Variants in NALF1 observed in about 807,000 individuals in gnomAD.
NALF1 encodes family with sequence similarity 155 member A.
Under a neutral mutation model 48.4 loss-of-function variants are expected in NALF1, and 3 were observed. That is an observed-to-expected ratio of 0.06 (90% CI 0.03 to 0.16). The LOEUF (loss-of-function observed/expected upper bound fraction) is 0.16. NALF1 is among the 10% of genes least tolerant of loss of function. NALF1 has a pLI of 1.00. For synonymous variants in NALF1, 262 were observed against 245.7 expected (o/e 1.07, Z -0.62); for missense variants, 526 against 571.5 (o/e 0.92, Z 0.81).
intron 1 of NALF1, among the ~76,000 whole-genome samples, chr13:107,312,811 G>C (rs1022090420): frequency 6.6e-6 from 1 of 152,142 alleles, no homozygotes; most frequent in Non-Finnish European, 1.5e-5. Context: ...AATTTGCACA[G>C]AGTACTATGG....
chr13:107,850,801 G>A (rs968649252), intron 1 of NALF1, among the ~76,000 whole-genome samples: 3 of 152,024 alleles, frequency 2.0e-5, no homozygotes, highest in Non-Finnish European at 4.4e-5. Context: ...TACTTGGGAG[G>A]CTGAGGCAAG....
intron 1 of NALF1, among the ~76,000 whole-genome samples, chr13:107,756,361 C>G (rs1325685473): frequency 6.6e-6 from 1 of 151,066 alleles, no homozygotes; most frequent in Non-Finnish European, 1.5e-5. Context: ...CAAACACCAC[C>G]TTGAAGAGCA....
chr13:107,655,328 T>C (rs1267343837), intron 1 of NALF1, among the ~76,000 whole-genome samples: 1 of 152,120 alleles, frequency 6.6e-6, no homozygotes, highest in Non-Finnish European at 1.5e-5. Flanking sequence ...AAAATTAATG[T>C]ACACAAATCA....
chr13:107,516,121 C>T (rs966690561), intron 1 of NALF1, among the ~76,000 whole-genome samples: 2 of 152,260 alleles, frequency 1.3e-5, no homozygotes, highest in African/African-American at 2.4e-5. Context: ...AAGGTTGAAG[C>T]TCTTAGGTAT....
rs577658873 is a variant in NALF1, at chr13:107,577,488, T to G, written c.915+288194A>C. Among the ~76,000 whole-genome samples the G allele has an allele frequency of 1.5e-3, 3 of 1,944 alleles. No homozygotes were observed. In the South Asian group the frequency reaches 0.25, roughly 162 times the overall value. 1.3% of individuals were successfully genotyped at this position (1,944 alleles called of 152,430 possible). ...CTAGATATCTGCAATACCCCCAAAT[T>G]ATCAAGTCAGTAGAAAACCCCAAAA... On this transcript the variant is annotated intron_variant, in intron 1 of 2. Coordinates refer to ENST00000375915, the MANE Select transcript of NALF1 (RefSeq NM_001080396.3).
intron 2 of NALF1, among the ~76,000 whole-genome samples, chr13:107,196,866 T>C (rs1218894506): frequency 2.0e-5 from 3 of 152,138 alleles, no homozygotes; most frequent in Admixed American, 1.3e-4. Flanking sequence ...GGTGACCAAG[T>C]GAGAGGATAG....
rs114543108 is a variant in NALF1 at position 107,302,457 on chromosome 13, T to C, written c.916-91702A>G. On this transcript the variant is annotated intron_variant, in intron 1 of 2. Coordinates refer to ENST00000375915, the MANE Select transcript of NALF1 (RefSeq NM_001080396.3). The stretch of plus-strand genomic sequence containing the variant: ...TTCAAAATTTTTTTTTTCTCTTCCA[T>C]GTTTGCTTGAAGAATTTGCTGAATT... Among the ~76,000 whole-genome samples the C allele has an allele frequency of 7.4e-3, 1,123 of 152,224 alleles. 21 individuals carry two copies. Among genetic ancestry groups the C allele is most frequent in the African/African-American group, 0.026 (1,062 of 41,538 alleles).
At chr13:107,253,364 T>G (rs543031073) in intron 1 of NALF1, among the ~76,000 whole-genome samples, 4 of 152,246 alleles carry the variant, frequency 2.6e-5, no homozygotes, top group African/African-American at 9.6e-5. Context: ...AAACACTCAG[T>G]GATTGATTCC....
chr13:107,609,241 A>T (rs1879157644), intron 1 of NALF1, among the ~76,000 whole-genome samples: 1 of 151,998 alleles, frequency 6.6e-6, no homozygotes, highest in African/African-American at 2.4e-5. Context: ...CCTCTCCCAC[A>T]CCATTCATTC....
chr13:107,213,410 C>CGTGG (rs2138807676), intron 1 of NALF1, among the ~76,000 whole-genome samples: 1 of 152,172 alleles, frequency 6.6e-6, no homozygotes, highest in East Asian at 1.9e-4. Context: ...CCAGGCTCCA[C>CGTGG]GGTGGCATCC....
At chr13:107,674,608 G>C (rs936400409) in intron 1 of NALF1, among the ~76,000 whole-genome samples, 1 of 152,094 alleles carries the variant, frequency 6.6e-6, no homozygotes, top group African/African-American at 2.4e-5. Context: ...GTCCTCAAGG[G>C]GCTGAGACTC....
chr13:107,498,288 G>T (rs1594095487), intron 1 of NALF1, among the ~76,000 whole-genome samples: 3 of 117,150 alleles, frequency 2.6e-5, no homozygotes. Context: ...TTCAAACATA[G>T]AGTCTTCTCA....
intron 1 of NALF1, among the ~76,000 whole-genome samples, chr13:107,457,890 A>G (rs899979583): frequency 3.3e-5 from 5 of 152,184 alleles, no homozygotes; most frequent in African/African-American, 1.2e-4. Context: ...TTCCCAGTGC[A>G]AACAGAGCTG....
At chr13:107,238,206 G>A (rs1472082092) in intron 1 of NALF1, among the ~76,000 whole-genome samples, 1 of 152,182 alleles carries the variant, frequency 6.6e-6, no homozygotes, top group South Asian at 2.1e-4. Flanking sequence ...CCAGCATGGT[G>A]CAGCACAACC....
intron 1 of NALF1, among the ~76,000 whole-genome samples, chr13:107,451,595 T>G (rs1884741065): frequency 6.6e-6 from 1 of 152,324 alleles, no homozygotes; most frequent in African/African-American, 2.4e-5. Context: ...TTCTCTTCCA[T>G]CAGCATTTTT....
chr13:107,390,798 T>C (rs927832720), intron 1 of NALF1, among the ~76,000 whole-genome samples: 2 of 151,954 alleles, frequency 1.3e-5, no homozygotes, highest in African/African-American at 2.4e-5. Context: ...GCAGGAAGCT[T>C]TAGATACAAT....
chr13:107,271,774 CTATATATATATATATATATA>C (rs397838456), intron 1 of NALF1, among the ~76,000 whole-genome samples: 1 of 27,630 alleles, frequency 3.6e-5, no homozygotes, highest in African/African-American at 9.7e-5. Context: ...TGCTACTGGA[CTATATATATATATATATATA>C]TATATATATA....
intron 1 of NALF1, among the ~76,000 whole-genome samples, chr13:107,360,239 T>C (rs1883037686): frequency 6.6e-6 from 1 of 152,186 alleles, no homozygotes; most frequent in African/African-American, 2.4e-5. Flanking sequence ...TGCTAGTCAT[T>C]TCTGACTCAA....
At chr13:107,522,844 C>T (rs1876292252) in intron 1 of NALF1, among the ~76,000 whole-genome samples, 1 of 152,026 alleles carries the variant, frequency 6.6e-6, no homozygotes, top group Admixed American at 6.6e-5. Flanking sequence ...TCTCCAACTC[C>T]TGACCTCAGG....
Sources: gnomAD v4.1 joint callset for allele counts (sites outside exome capture counted in the v4.1 genomes callset) on GRCh38, gnomAD v4.1.1 for gene constraint, MANE v1.5 for transcripts, NCBI Gene and HGNC (gene_info 2026-07-23, HGNC 2026-07-21) for gene names.